OPCML: variants seen among roughly 807,000 people sequenced by gnomAD.
OPCML encodes opioid-binding protein/cell adhesion molecule.
Under a neutral mutation model 37.8 loss-of-function variants are expected in OPCML, and 13 were observed. The ratio of observed to expected loss-of-function variants is 0.34; its 90% CI spans 0.22 to 0.55. OPCML has a LOEUF of 0.55. OPCML is among the 20% of genes least tolerant of loss of function. The pLI is 0.91. For synonymous variants in OPCML, 176 were observed against 168.8 expected (o/e 1.04, Z -0.33); for missense variants, 341 against 435.6 (o/e 0.78, Z 1.93).
At chr11:133,158,130 G>C (rs1950087779) in intron 1 of OPCML, among the ~76,000 whole-genome samples, 1 of 152,160 alleles carries the variant, frequency 6.6e-6, no homozygotes, top group African/African-American at 2.4e-5. Flanking sequence ...CAGGTGCTTG[G>C]CTCTATTTGG....
chr11:132,601,090 G>T (rs1161865592), intron 3 of OPCML, among the ~76,000 whole-genome samples: 1 of 152,040 alleles, frequency 6.6e-6, no homozygotes, highest in Non-Finnish European at 1.5e-5. Context: ...CTGTCAAGTT[G>T]AACAGAAGAA....
intron 2 of OPCML, among the ~76,000 whole-genome samples, chr11:132,805,050 T>G (rs937258307): frequency 1.1e-4 from 16 of 152,226 alleles, no homozygotes; most frequent in African/African-American, 3.1e-4. Flanking sequence ...ATGATCTAAA[T>G]GAATGAACAG....
At chr11:132,750,782 T>C (rs185236829) in intron 2 of OPCML, among the ~76,000 whole-genome samples, 4 of 152,054 alleles carry the variant, frequency 2.6e-5, no homozygotes, top group Admixed American at 1.3e-4. Flanking sequence ...GAACATTCTT[T>C]GTAAAGAAAA....
intron 1 of OPCML, among the ~76,000 whole-genome samples, chr11:133,226,663 A>G (rs191303207): frequency 2.6e-4 from 39 of 152,340 alleles, no homozygotes; most frequent in African/African-American, 7.2e-4. Context: ...CGAATCCATT[A>G]CCTTCTCTAT....
chr11:132,715,634 A>T (rs544574023), intron 2 of OPCML, among the ~76,000 whole-genome samples: 52 of 152,348 alleles, frequency 3.4e-4, no homozygotes, highest in African/African-American at 1.3e-3. Flanking sequence ...GCTTTCTGCC[A>T]TGTGAGGTTA....
intron 1 of OPCML, among the ~76,000 whole-genome samples, chr11:133,221,287 G>A (rs982461606): frequency 3.9e-5 from 6 of 152,180 alleles, no homozygotes; most frequent in Non-Finnish European, 8.8e-5. Flanking sequence ...AAGCAGGTTG[G>A]TTCGTAGGGA....
chr11:133,291,652 G>A (rs114821336), intron 1 of OPCML, among the ~76,000 whole-genome samples: 2,945 of 152,222 alleles, frequency 0.019, 112 homozygotes, highest in African/African-American at 0.067. Context: ...TTTGGCAAAC[G>A]GTGAGATCAC....
At chr11:133,220,260 T>C (rs1249177527) in intron 1 of OPCML, among the ~76,000 whole-genome samples, 2 of 152,110 alleles carry the variant, frequency 1.3e-5, no homozygotes, top group African/African-American at 4.8e-5. Context: ...CTTCCTTATC[T>C]GGTCTCTGAG....
At chr11:133,256,770 T>C (rs1941324497) in intron 1 of OPCML, among the ~76,000 whole-genome samples, 1 of 152,216 alleles carries the variant, frequency 6.6e-6, no homozygotes, top group South Asian at 2.1e-4. Context: ...TGATATAGAT[T>C]ACATAAAAAT....
intron 1 of OPCML, among the ~76,000 whole-genome samples, chr11:133,455,717 C>A (rs1037464758): frequency 1.3e-4 from 20 of 152,188 alleles, no homozygotes; most frequent in Non-Finnish European, 2.8e-4. Context: ...AAGGTCTACA[C>A]CCTTGTTTCC....
chr11:133,374,781 CT>C (rs1269293078), intron 1 of OPCML, among the ~76,000 whole-genome samples: 2 of 152,172 alleles, frequency 1.3e-5, no homozygotes, highest in African/African-American at 4.8e-5. Flanking sequence ...AACTCCTTAT[CT>C]TGGCCTCCAA....
intron 1 of OPCML, among the ~76,000 whole-genome samples, chr11:133,267,551 T>G (rs1401979333): frequency 6.6e-6 from 1 of 152,226 alleles, no homozygotes; most frequent in African/African-American, 2.4e-5. Flanking sequence ...TGGTATTAAA[T>G]ATAATGGAAT....
At chr11:133,256,155 T>C (rs1362415637) in intron 1 of OPCML, among the ~76,000 whole-genome samples, 1 of 152,210 alleles carries the variant, frequency 6.6e-6, no homozygotes. Context: ...AACTCGAGCA[T>C]TGTAAGTATT....
chr11:133,129,499 T>C (rs192376724), intron 1 of OPCML, among the ~76,000 whole-genome samples: 38 of 152,178 alleles, frequency 2.5e-4, no homozygotes, highest in African/African-American at 8.7e-4. Flanking sequence ...GTAATTCAAA[T>C]GTATCCCAGG....
intron 2 of OPCML, among the ~76,000 whole-genome samples, chr11:132,861,196 C>A (rs911652691): frequency 2.0e-5 from 3 of 152,086 alleles, no homozygotes; most frequent in Non-Finnish European, 4.4e-5. Flanking sequence ...ACCAGGCTCT[C>A]GGGATGTTTT....
intron 2 of OPCML, among the ~76,000 whole-genome samples, chr11:132,756,408 A>T (rs1211702093): frequency 6.6e-6 from 1 of 152,186 alleles, no homozygotes; most frequent in African/African-American, 2.4e-5. Flanking sequence ...GAGACATATG[A>T]TGAGCATGTA....
intron 1 of OPCML, among the ~76,000 whole-genome samples, chr11:133,391,060 C>T (rs1349262638): frequency 6.6e-6 from 1 of 152,208 alleles, no homozygotes; most frequent in Non-Finnish European, 1.5e-5. Context: ...ATTTACCCAC[C>T]TGCACGACTC....
At chr11:133,051,120 C>A (rs1948123696) in intron 1 of OPCML, among the ~76,000 whole-genome samples, 1 of 151,628 alleles carries the variant, frequency 6.6e-6, no homozygotes, top group Admixed American at 6.6e-5. Flanking sequence ...ATATTCAGAC[C>A]AAAGCTCATA....
At chr11:132,759,421 G>A (rs973450864) in intron 2 of OPCML, among the ~76,000 whole-genome samples, 1 of 152,090 alleles carries the variant, frequency 6.6e-6, no homozygotes, top group Non-Finnish European at 1.5e-5. Context: ...CTGATAATCT[G>A]TCTGGTCCTG....
Sources: gnomAD v4.1 joint callset for allele counts (sites outside exome capture counted in the v4.1 genomes callset) on GRCh38, gnomAD v4.1.1 for gene constraint, MANE v1.5 for transcripts, NCBI Gene and HGNC (gene_info 2026-07-23, HGNC 2026-07-21) for gene names.